Variants in MYO1E observed in about 807,000 individuals in gnomAD.
MYO1E encodes the protein unconventional myosin-Ie.
Under a neutral mutation model 151.1 loss-of-function variants are expected in MYO1E, and 68 were observed. That is an observed-to-expected ratio of 0.45 (90% CI 0.37 to 0.55). The LOEUF is 0.55. Among genes scored for constraint, MYO1E ranks in the 20% least tolerant of loss-of-function variants. The pLI is 0.00. For synonymous variants in MYO1E, 601 were observed against 501.7 expected (o/e 1.20, Z -2.64); for missense variants, 1,363 against 1,389.3 (o/e 0.98, Z 0.30).
At chr15:59,284,598 C>T (rs2140392130) in intron 1 of MYO1E, among the ~76,000 whole-genome samples, 1 of 150,682 alleles carries the variant, frequency 6.6e-6, no homozygotes, top group Non-Finnish European at 1.5e-5. Flanking sequence ...TACAGGTGTG[C>T]ACCACCATAC....
At chr15:59,260,839 G>C (rs2080220369) in intron 3 of MYO1E, among the ~76,000 whole-genome samples, 1 of 152,090 alleles carries the variant, frequency 6.6e-6, no homozygotes, top group Admixed American at 6.5e-5. Flanking sequence ...AGATCCCTAA[G>C]CTGTAGGTCC....
intron 1 of MYO1E, among the ~76,000 whole-genome samples, chr15:59,291,045 A>G (rs1334014955): frequency 1.3e-5 from 2 of 152,240 alleles, no homozygotes; most frequent in African/African-American, 4.8e-5. Context: ...AATAGAAAAC[A>G]GAAGTCAACA....
Position 59,324,673 on chromosome 15 carries a change from C to CG in MYO1E, c.3+47824_3+47825insC, listed in dbSNP as rs1491466100. Among the ~76,000 whole-genome samples the CG allele has an allele frequency of 1.8e-3, 270 of 147,142 alleles. 2 individuals carry two copies. Among genetic ancestry groups the CG allele is most frequent in the African/African-American group, 6.5e-3 (261 of 39,992 alleles). On this transcript the variant is annotated intron_variant, in intron 1 of 27. Coordinates refer to ENST00000288235, the MANE Select transcript of MYO1E (RefSeq NM_004998.4). ...TTATCCCCATCCCAAGCCCCCCCCC[C>CG]ACAGAGGGCAGCATACAGCAGAGCC...
At chr15:59,251,662 C>T (rs2080165655) in intron 4 of MYO1E, among the ~76,000 whole-genome samples, 1 of 152,160 alleles carries the variant, frequency 6.6e-6, no homozygotes, top group African/African-American at 2.4e-5. Flanking sequence ...ATATTTACCT[C>T]CAAATACTTC....
intron 26 of MYO1E, among the ~76,000 whole-genome samples, chr15:59,152,061 C>T (rs1024033311): frequency 2.7e-5 from 4 of 150,864 alleles, no homozygotes; most frequent in East Asian, 3.9e-4. Flanking sequence ...AGTGAGACTC[C>T]GTCTAAAAAA....
chr15:59,223,328 A>G, intron 8 of MYO1E, 137 bp from the exon 9 acceptor site: 1 of 1,177,746 alleles, frequency 8.5e-7, no homozygotes, highest in South Asian at 1.4e-5. Context: ...AAAAAAAAAA[A>G]AAAGCCAAAA....
intron 26 of MYO1E, among the ~76,000 whole-genome samples, chr15:59,151,164 C>T (rs111656095): frequency 6.6e-5 from 10 of 152,126 alleles, no homozygotes; most frequent in African/African-American, 1.4e-4. Flanking sequence ...CGGTGGCTCA[C>T]GCCTGTAATC....
Position 59,137,150 on chromosome 15 carries a change from T to C in MYO1E, c.*230A>G, listed in dbSNP as rs1415719688. The C allele has an allele frequency of 5.2e-6, 3 of 572,698 alleles. No homozygotes were observed. In the African/African-American group the frequency reaches 5.6e-5, roughly 11 times the overall value. 35.5% of individuals were successfully genotyped at this position (572,698 alleles called of 1,614,324 possible). ...AATAAATCTTAATGCATGGTGGTTT[T>C]GTCCTCCTGGGTTCCTATGAAGAGG... On this transcript the variant is annotated 3_prime_UTR_variant, in exon 28 of 28. Coordinates refer to ENST00000288235, the MANE Select transcript of MYO1E (RefSeq NM_004998.4).
At chr15:59,200,565 G>T (rs1010813085) in intron 16 of MYO1E, among the ~76,000 whole-genome samples, 3 of 152,006 alleles carry the variant, frequency 2.0e-5, no homozygotes, top group Non-Finnish European at 4.4e-5. Flanking sequence ...GAGGTGGATC[G>T]CTTGAGCCCA....
intron 26 of MYO1E, among the ~76,000 whole-genome samples, chr15:59,148,337 C>G (rs2079454432): frequency 6.6e-6 from 1 of 152,208 alleles, no homozygotes; most frequent in African/African-American, 2.4e-5. Flanking sequence ...CTAAATGCCA[C>G]CTTTTGTGAA....
intron 8 of MYO1E, 130 bp from the exon 9 acceptor site, chr15:59,223,321 A>T: frequency 8.3e-7 from 1 of 1,203,766 alleles, no homozygotes; most frequent in Non-Finnish European, 1.2e-6. Flanking sequence ...CAAAGAAAAA[A>T]AAAAAAAAAA....
chr15:59,365,844 T>C (rs1262282561), intron 1 of MYO1E, among the ~76,000 whole-genome samples: 1 of 152,162 alleles, frequency 6.6e-6, no homozygotes, highest in Non-Finnish European at 1.5e-5. Flanking sequence ...TGTTCCGCCT[T>C]TGAGGCACAA....
At chr15:59,175,828 A>G (rs552834586) in intron 19 of MYO1E, among the ~76,000 whole-genome samples, 1 of 152,314 alleles carries the variant, frequency 6.6e-6, no homozygotes, top group South Asian at 2.1e-4. Flanking sequence ...AGACTATCTC[A>G]AAGATTCGCT....
At chr15:59,340,558 A>G (rs2080759120) in intron 1 of MYO1E, among the ~76,000 whole-genome samples, 1 of 152,236 alleles carries the variant, frequency 6.6e-6, no homozygotes, top group African/African-American at 2.4e-5. Context: ...ATCAAATAAC[A>G]GTAGCATCAA....
intron 27 of MYO1E, among the ~76,000 whole-genome samples, chr15:59,137,808 T>C (rs1339886533): frequency 1.3e-5 from 2 of 152,220 alleles, no homozygotes; most frequent in African/African-American, 4.8e-5. Context: ...TTTGTCTTGC[T>C]ACTGAAGTTG....
chr15:59,285,641 G>A (rs550945373), intron 1 of MYO1E, among the ~76,000 whole-genome samples: 14 of 151,764 alleles, frequency 9.2e-5, no homozygotes, highest in African/African-American at 3.1e-4. Context: ...GAGCCACCAC[G>A]CCCGACTAGA....
At chr15:59,297,411 C>A (rs1440432520) in intron 1 of MYO1E, among the ~76,000 whole-genome samples, 7 of 146,308 alleles carry the variant, frequency 4.8e-5, no homozygotes, top group African/African-American at 1.8e-4. Flanking sequence ...GCTGGGATTT[C>A]AGGTACGCAC....
At chr15:59,287,493 T>C (rs964348718) in intron 1 of MYO1E, among the ~76,000 whole-genome samples, 1 of 152,316 alleles carries the variant, frequency 6.6e-6, no homozygotes, top group Non-Finnish European at 1.5e-5. Context: ...CCCTCACTGT[T>C]GTATGCTTCT....
intron 26 of MYO1E, among the ~76,000 whole-genome samples, chr15:59,142,039 G>A (rs1165390053): frequency 7.9e-5 from 12 of 151,840 alleles, no homozygotes; most frequent in Non-Finnish European, 1.3e-4. Context: ...CCAGGGAGGC[G>A]GAGCTTGCAG....
Sources: gnomAD v4.1 joint callset for allele counts (sites outside exome capture counted in the v4.1 genomes callset) on GRCh38, gnomAD v4.1.1 for gene constraint, MANE v1.5 for transcripts, NCBI Gene and HGNC (gene_info 2026-07-23, HGNC 2026-07-21) for gene names.